Variants in SCN3A observed in about 807,000 individuals in gnomAD.
SCN3A encodes sodium channel protein type 3 subunit alpha.
Under a neutral mutation model 187.6 loss-of-function variants are expected in SCN3A, and 60 were observed. The ratio of observed to expected loss-of-function variants is 0.32; its 90% CI spans 0.26 to 0.40. The LOEUF (loss-of-function observed/expected upper bound fraction) is 0.40. Among genes scored for constraint, SCN3A ranks in the 10% least tolerant of loss-of-function variants. SCN3A has a pLI of 1.00. For synonymous variants in SCN3A, 788 were observed against 829.2 expected, an observed-to-expected ratio of 0.95 and a Z score of 0.85; for missense variants, 1,601 against 2,428.2, an observed-to-expected ratio of 0.66 and a Z score of 7.16.
chr2:165,091,819 C>G (rs1388107670), intron 27 of SCN3A: 1 of 270,706 alleles, frequency 3.7e-6, no homozygotes, highest in Non-Finnish European at 7.0e-6. Flanking sequence ...AATCTCAACT[C>G]TTCTTTGAAG....
intron 6 of SCN3A, 63 bp from the exon 7 acceptor site, chr2:165,163,772 G>T (rs1307542690): frequency 1.2e-6 from 2 of 1,612,068 alleles, no homozygotes; most frequent in South Asian, 2.2e-5. Context: ...GATATAAGGG[G>T]CCTACTACCT....
At chr2:165,177,241 T>A (rs559015485) in intron 2 of SCN3A, among the ~76,000 whole-genome samples, 1 of 152,294 alleles carries the variant, frequency 6.6e-6, no homozygotes, top group South Asian at 2.1e-4. Flanking sequence ...AATCTTCCAT[T>A]TAGTATAGTG....
chr2:165,143,159 T>C (rs1324500451), intron 12 of SCN3A, among the ~76,000 whole-genome samples: 1 of 152,192 alleles, frequency 6.6e-6, no homozygotes, highest in Non-Finnish European at 1.5e-5. Context: ...AAGTAGCAGA[T>C]AGGACTCTGG....
At chr2:165,116,943 A>AAT (rs559159684) in intron 18 of SCN3A, among the ~76,000 whole-genome samples, 1 of 118,208 alleles carries the variant, frequency 8.5e-6, no homozygotes, top group Non-Finnish European at 1.7e-5. Flanking sequence ...TGATAGCACA[A>AAT]TTTTTTTTTT....
intron 22 of SCN3A, among the ~76,000 whole-genome samples, chr2:165,099,461 G>A (rs1228587783): frequency 1.3e-5 from 2 of 152,136 alleles, no homozygotes; most frequent in Admixed American, 6.5e-5. Flanking sequence ...GTTCATGCCC[G>A]TAATCCCAGC....
chr2:165,202,652 T>C (rs1319559268), intron 1 of SCN3A, among the ~76,000 whole-genome samples: 1 of 152,044 alleles, frequency 6.6e-6, no homozygotes, highest in Non-Finnish European at 1.5e-5. Flanking sequence ...TCATTAGGAA[T>C]TACAGTTTGG....
In SCN3A at chr2:165,089,613, C is replaced by A. The variant is rs1228602518; in HGVS notation, c.*537G>T. 6.5e-6 allele frequency: 1 copy of A among 153,400 alleles called. No individual in the cohort carries two copies. Among genetic ancestry groups the A allele is most frequent in the Non-Finnish European group, 1.5e-5 (1 of 68,708 alleles). 9.5% of individuals were successfully genotyped at this position (153,400 alleles called of 1,614,324 possible). ...AACTGTAGCCATTACAATTCTTTTT[C>A]TGGTTTTGAGCAAAAATTTTATCTC... On this transcript the variant is annotated 3_prime_UTR_variant, in exon 28 of 28. Transcript: ENST00000283254.
intron 21 of SCN3A, among the ~76,000 whole-genome samples, chr2:165,100,870 T>C (rs1053715869): frequency 1.3e-5 from 2 of 152,214 alleles, no homozygotes; most frequent in African/African-American, 4.8e-5. Flanking sequence ...AGATATCTTA[T>C]CTCCCTTTCC....
chr2:165,188,080 G>C (rs1306221998), intron 1 of SCN3A, among the ~76,000 whole-genome samples: 4 of 152,108 alleles, frequency 2.6e-5, no homozygotes, highest in Non-Finnish European at 5.9e-5. Flanking sequence ...AGAGCTTTTT[G>C]CTGGGATGTG....
In SCN3A at chr2:165,152,885, T is replaced by C. The variant is rs529199701; in HGVS notation, c.1380+1567A>G. ...TGTATGCATATGTAACAAACCTGCA[T>C]GTTGTGCACATGTACCCTAGAACTT... On this transcript the variant is annotated intron_variant, in intron 11 of 27. Coordinates refer to ENST00000283254, the MANE Select transcript of SCN3A (RefSeq NM_006922.4). Among the ~76,000 whole-genome samples the C allele has an allele frequency of 3.5e-4, 53 of 151,942 alleles. 1 individual carries two copies. In the South Asian group the frequency reaches 4.4e-3, roughly 13 times the overall value.
chr2:165,188,437 C>T (rs1691373431), intron 1 of SCN3A, among the ~76,000 whole-genome samples: 1 of 152,100 alleles, frequency 6.6e-6, no homozygotes, highest in Admixed American at 6.6e-5. Flanking sequence ...CCCTGGCTTA[C>T]AAATTAACTA....
In SCN3A at chr2:165,089,934, T is replaced by G. The variant is rs1434785432; in HGVS notation, c.*216A>C. 2 of 605,418 alleles carry G rather than the reference T, an allele frequency of 3.3e-6. No homozygotes were observed. Among genetic ancestry groups the G allele is most frequent in the Admixed American group, 6.3e-5 (2 of 31,716 alleles). The allele number at this position is 605,418 out of a possible 1,614,324, so 37.5% of individuals were successfully genotyped here. On this transcript the variant is annotated 3_prime_UTR_variant, in exon 28 of 28. Transcript: ENST00000283254. ...GTTTCTCCTCAGCAGTGTCAGCTGG[T>G]AATAAAAACAGCAACCTCTTGTCAA...
In SCN3A at chr2:165,183,999, G is replaced by C. The variant is rs961122042; in HGVS notation, c.-51+2552C>G. 3.9e-5 allele frequency among the ~76,000 whole-genome samples: 6 copies of C among 152,086 alleles called. No individual in the cohort carries two copies. The East Asian group carries it at 7.7e-4, about 20-fold the overall frequency. Reference sequence around the variant, plus strand: ...ATCTACAAGAGACTATTATAGTAAGGGTATAAGGTAAAAGACAAGATTGAC... The same window carrying C: ...ATCTACAAGAGACTATTATAGTAAGCGTATAAGGTAAAAGACAAGATTGAC... On this transcript the variant is annotated intron_variant, in intron 2 of 27. Coordinates refer to ENST00000283254, the MANE Select transcript of SCN3A (RefSeq NM_006922.4).
chr2:165,165,175 A>T (rs182065695), intron 5 of SCN3A, among the ~76,000 whole-genome samples: 53 of 152,154 alleles, frequency 3.5e-4, no homozygotes, highest in Non-Finnish European at 1.2e-4. Flanking sequence ...TTTAAGAATC[A>T]TGTAGAGTTA....
chr2:165,140,550 A>G lies in SCN3A; in HGVS notation c.2019+101T>C. ...TCATGTATTATTTTTACCAACTTTCATTTTGAGGAAGCAGGACGGTATGAC... is the reference window on the plus strand; with the variant it reads ...TCATGTATTATTTTTACCAACTTTCGTTTTGAGGAAGCAGGACGGTATGAC... On this transcript the variant is annotated intron_variant, in intron 13 of 27. Coordinates refer to ENST00000283254, the MANE Select transcript of SCN3A (RefSeq NM_006922.4). This position sits in a 1 kb window ranked among gnomAD's most constrained non-coding sequence, Gnocchi z 4.2. 1 of 980,516 alleles carries G rather than the reference A, an allele frequency of 1.0e-6. No homozygotes were observed. The highest frequency in any genetic ancestry group is 1.3e-5 in the South Asian group (1 of 74,218). The allele number at this position is 980,516 out of a possible 1,614,324, so 60.7% of individuals were successfully genotyped here. A position where few individuals can be genotyped will look rare whatever the true frequency, so the allele number is the denominator to read the frequency against.
chr2:165,140,631 G>T lies in SCN3A; in HGVS notation c.2019+20C>A. Reference sequence around the variant, plus strand: ...AAATTGGTGAATAATGTCAGTAGCAGCTAGGTCATCTATTATCACCTCTGG... The same window carrying T: ...AAATTGGTGAATAATGTCAGTAGCATCTAGGTCATCTATTATCACCTCTGG... On this transcript the variant is annotated intron_variant, in intron 13 of 27. Coordinates refer to ENST00000283254, the MANE Select transcript of SCN3A (RefSeq NM_006922.4). This position sits in a 1 kb window ranked among gnomAD's most constrained non-coding sequence, Gnocchi z 4.2. The T allele has an allele frequency of 1.3e-6, 2 of 1,591,248 alleles. No homozygotes were observed. Among genetic ancestry groups the T allele is most frequent in the Non-Finnish European group, 1.7e-6 (2 of 1,159,182 alleles).
In SCN3A at chr2:165,203,570, G is replaced by A. The variant is rs79005559; in HGVS notation, c.-248+253C>T. On this transcript the variant is annotated intron_variant, in intron 1 of 27. Transcript: ENST00000283254. The stretch of plus-strand genomic sequence containing the variant: ...TTTTTCTGAATACAATTAATCATAA[G>A]CATCTACAAAAACACAAGACCATTG... 5.3e-4 allele frequency among the ~76,000 whole-genome samples: 80 copies of A among 151,964 alleles called. 10 individuals are homozygous for A. In the East Asian group the frequency reaches 0.016, roughly 29 times the overall value.
chr2:165,191,175 T>C lies in SCN3A; in HGVS notation c.-247-4428A>G, dbSNP rs762894514. 2.0e-4 allele frequency among the ~76,000 whole-genome samples: 30 copies of C among 151,906 alleles called. 1 individual carries two copies. The highest frequency in any genetic ancestry group is 3.5e-4 in the Non-Finnish European group (24 of 67,970). On this transcript the variant is annotated intron_variant, in intron 1 of 27. Transcript: ENST00000283254. Reference sequence around the variant, plus strand: ...TCTTCAGTCTCATTTATTTATTCATTTGATGCCCTATGGTGTAATTTCGCT... The same window carrying C: ...TCTTCAGTCTCATTTATTTATTCATCTGATGCCCTATGGTGTAATTTCGCT...
At chr2:165,156,625 A>C (rs1689063543) in intron 9 of SCN3A, among the ~76,000 whole-genome samples, 1 of 151,916 alleles carries the variant, frequency 6.6e-6, no homozygotes, top group Admixed American at 6.6e-5. Flanking sequence ...AATTTTCTAA[A>C]ATAAAGTTAA....
Sources: gnomAD v4.1 joint callset for allele counts (sites outside exome capture counted in the v4.1 genomes callset) on GRCh38, gnomAD v4.1.1 for gene constraint, Gnocchi (gnomAD v3.1) non-coding constraint, MANE v1.5 for transcripts, NCBI Gene and HGNC (gene_info 2026-07-23, HGNC 2026-07-21) for gene names.